COL4A6: variants seen among roughly 807,000 people sequenced by gnomAD.
COL4A6 encodes the protein collagen type IV alpha 6 chain.
COL4A6 carries 59 observed loss-of-function variants against 126.7 expected under a neutral mutation model. The ratio of observed to expected loss-of-function variants is 0.47; its 90% CI spans 0.38 to 0.58. COL4A6 has a LOEUF of 0.58. Among genes scored for constraint, COL4A6 ranks in the 20% least tolerant of loss-of-function variants. The probability of loss-of-function intolerance (pLI) is 0.00; values close to 1 mark genes in which losing one functional copy is unlikely to be tolerated. For missense variants in COL4A6, 1,285 were observed against 1,337.3 expected (o/e 0.96, Z 0.61); for synonymous variants, 547 against 496.6 (o/e 1.10, Z -1.35).
intron 3 of COL4A6, among the ~76,000 whole-genome samples, chrX:108,275,655 C>A (rs1346587725): frequency 8.9e-6 from 1 of 112,741 alleles, no homozygotes; most frequent in Non-Finnish European, 1.9e-5. Context: ...AACTGTTTAA[C>A]CTTTAATAAA....
intron 2 of COL4A6, among the ~76,000 whole-genome samples, chrX:108,363,102 A>G (rs2040123681): frequency 8.9e-6 from 1 of 112,356 alleles, no homozygotes; most frequent in Non-Finnish European, 1.9e-5. Context: ...GCTGAGGAGA[A>G]TTGCACTAGC....
At chrX:108,436,227 C>A (rs1322202315) in intron 2 of COL4A6, among the ~76,000 whole-genome samples, 1 of 112,266 alleles carries the variant, frequency 8.9e-6, no homozygotes, top group African/African-American at 3.2e-5. Context: ...AACTCAAGGT[C>A]AATTTTAGAC....
intron 5 of COL4A6, among the ~76,000 whole-genome samples, chrX:108,216,045 C>T (rs191471326): frequency 2.3e-4 from 26 of 112,047 alleles, no homozygotes; most frequent in Non-Finnish European, 4.5e-4. Context: ...CAGGAGTCTT[C>T]CTCACTCCTG....
At chrX:108,249,883 T>C (rs752335119) in intron 3 of COL4A6, among the ~76,000 whole-genome samples, 4 of 112,034 alleles carry the variant, frequency 3.6e-5, no homozygotes, top group South Asian at 7.5e-4. Flanking sequence ...TCTGCAGTTG[T>C]ATAATATACA....
intron 2 of COL4A6, among the ~76,000 whole-genome samples, chrX:108,385,212 A>G (rs1193699017): frequency 9.1e-6 from 1 of 109,889 alleles, no homozygotes; most frequent in African/African-American, 3.3e-5. Context: ...CTGGTAATGA[A>G]CAATTTAAAA....
At chrX:108,221,164 A>G (rs1465699410) in intron 4 of COL4A6, 76 bp downstream of exon 4, 2 of 1,155,516 alleles carry the variant, frequency 1.7e-6, no homozygotes, top group Non-Finnish European at 2.4e-6. Context: ...AAATGAGCAG[A>G]ACTGGGATGG....
chrX:108,165,518 G>A, intron 37 of COL4A6, 32 bp from the exon 38 acceptor site: 1 of 985,267 alleles, frequency 1.0e-6, no homozygotes, highest in Non-Finnish European at 1.4e-6. Context: ...GGCTGGATAG[G>A]CTCTGTGTGC....
At chrX:108,275,075 T>C (rs1287800967) in intron 3 of COL4A6, among the ~76,000 whole-genome samples, 1 of 111,462 alleles carries the variant, frequency 9.0e-6, no homozygotes, top group East Asian at 2.8e-4. Flanking sequence ...TAGGGGTATA[T>C]ACATTAGGAT....
At chrX:108,375,245 G>A (rs748019083) in intron 2 of COL4A6, among the ~76,000 whole-genome samples, 3 of 111,701 alleles carry the variant, frequency 2.7e-5, no homozygotes, top group East Asian at 5.6e-4. Flanking sequence ...AGGAATTAAG[G>A]TTATTTTTTC....
At chrX:108,345,415 T>C (rs1219163727) in intron 2 of COL4A6, among the ~76,000 whole-genome samples, 5 of 111,786 alleles carry the variant, frequency 4.5e-5, no homozygotes, top group African/African-American at 1.6e-4. Context: ...TAGCATCATC[T>C]GGAATTGTGG....
chrX:108,410,435 C>T (rs2041303404), intron 2 of COL4A6, among the ~76,000 whole-genome samples: 1 of 110,812 alleles, frequency 9.0e-6, no homozygotes, highest in African/African-American at 3.3e-5. Flanking sequence ...TCCTAGATGA[C>T]ATGGTAAAGG....
chrX:108,202,016 G>A (rs1393502532), intron 13 of COL4A6, among the ~76,000 whole-genome samples: 1 of 111,732 alleles, frequency 8.9e-6, no homozygotes, highest in East Asian at 2.8e-4. Flanking sequence ...CCTTCTTACT[G>A]TTCCTCAAAA....
At chrX:108,309,149 AC>A (rs993408761) in intron 3 of COL4A6, among the ~76,000 whole-genome samples, 2 of 111,842 alleles carry the variant, frequency 1.8e-5, no homozygotes, top group African/African-American at 6.5e-5. Flanking sequence ...CTGAAAGAGC[AC>A]CAAGAGAGAT....
chrX:108,345,025 C>T (rs1022810504), intron 2 of COL4A6, among the ~76,000 whole-genome samples: 9 of 111,488 alleles, frequency 8.1e-5, no homozygotes, highest in African/African-American at 2.6e-4. Flanking sequence ...TAAACTAAAC[C>T]TAAATTAAGC....
intron 17 of COL4A6, among the ~76,000 whole-genome samples, chrX:108,193,090 C>T (rs2035101456): frequency 8.9e-6 from 1 of 111,765 alleles, no homozygotes; most frequent in Admixed American, 9.5e-5. Flanking sequence ...TACTGGGCAT[C>T]TCAGTCTTTG....
At chrX:108,307,411 C>T (rs1002247455) in intron 3 of COL4A6, among the ~76,000 whole-genome samples, 19 of 112,154 alleles carry the variant, frequency 1.7e-4, no homozygotes, top group Non-Finnish European at 3.2e-4. Flanking sequence ...CAAAGCAGTG[C>T]ACCAACATTA....
intron 2 of COL4A6, among the ~76,000 whole-genome samples, chrX:108,426,400 C>A (rs1460006460): frequency 9.0e-6 from 1 of 111,499 alleles, no homozygotes; most frequent in Non-Finnish European, 1.9e-5. Context: ...CACCAACTCC[C>A]CCTCAATACA....
chrX:108,324,097 G>T (rs1158259031), intron 2 of COL4A6, among the ~76,000 whole-genome samples: 1 of 112,292 alleles, frequency 8.9e-6, no homozygotes. Flanking sequence ...GTTTCTAGTT[G>T]GGAGATTAAG....
At chrX:108,323,705 A>T (rs190668212) in intron 2 of COL4A6, among the ~76,000 whole-genome samples, 15 of 112,212 alleles carry the variant, frequency 1.3e-4, no homozygotes, top group Non-Finnish European at 2.8e-4. Flanking sequence ...GAACTCATAT[A>T]TCACACAATT....
Sources: allele counts gnomAD v4.1 joint callset (sites outside exome capture counted in the v4.1 genomes callset), GRCh38; gene constraint gnomAD v4.1.1; transcripts MANE v1.5; gene names NCBI Gene and HGNC (gene_info 2026-07-23, HGNC 2026-07-21).